Variants in ATAD1 observed in about 807,000 individuals in gnomAD.
ATAD1 encodes the protein ATPase family AAA domain containing 1, also known as outer mitochondrial transmembrane helix translocase.
Under a neutral mutation model 42.7 loss-of-function variants are expected in ATAD1, and 18 were observed. That is an observed-to-expected ratio of 0.42 (90% CI 0.29 to 0.63). The LOEUF (loss-of-function observed/expected upper bound fraction) is 0.63. ATAD1 is among the 20% of genes least tolerant of loss of function. The pLI is 0.19. For synonymous variants in ATAD1, 132 were observed against 143.1 expected, an observed-to-expected ratio of 0.92 and a Z score of 0.55; for missense variants, 294 against 440.4, an observed-to-expected ratio of 0.67 and a Z score of 2.98.
rs745586289 is a variant in ATAD1, at chr10:87,784,646, C to A, written c.407G>T (p.Gly136Val). ...PKGVLLYGPP[G>V]CGKTLIAKAT... ...CTTGGCAATCAACGTTTTACCACAG[C>A]CTGGAGGCCCATAGAGAAGAACACC... is the stretch of plus-strand genomic sequence containing the variant. The change falls in exon 5 of 10, where the codon GGC becomes GTC. Residue 136 changes from glycine (G) to valine (V), a missense_variant. Gly to Val is a moderately radical substitution (Grantham distance 109, BLOSUM62 -3). Coordinates refer to ENST00000680024, the MANE Select transcript of ATAD1 (RefSeq NM_001321967.2). The A allele has an allele frequency of 7.4e-6, 12 of 1,612,840 alleles. No homozygotes were observed. The highest frequency in any genetic ancestry group is 1.0e-5 in the Non-Finnish European group (12 of 1,179,784).
At chr10:87,820,096 AAAC>A (rs764228471), upstream of ATAD1, among the ~76,000 whole-genome samples, 10 of 152,104 alleles carry the variant, frequency 6.6e-5, no homozygotes, top group Non-Finnish European at 1.0e-4. Flanking sequence ...CATTAAAAAC[AAAC>A]AACAACAACA....
At chr10:87,768,797 T>C (rs1402230762) in intron 7 of ATAD1, among the ~76,000 whole-genome samples, 1 of 152,190 alleles carries the variant, frequency 6.6e-6, no homozygotes, top group Non-Finnish European at 1.5e-5. Flanking sequence ...TCAAAAACCA[T>C]AGCTGGCCAG....
chr10:87,802,230 A>C (rs1469637197), intron 2 of ATAD1, among the ~76,000 whole-genome samples: 1 of 152,162 alleles, frequency 6.6e-6, no homozygotes, highest in Non-Finnish European at 1.5e-5. Flanking sequence ...GCTTTCCTTT[A>C]AGGAATCAAA....
intron 1 of ATAD1, among the ~76,000 whole-genome samples, chr10:87,827,974 A>G (rs1232903637): frequency 1.7e-4 from 26 of 152,128 alleles, no homozygotes; most frequent in Admixed American, 1.6e-3. Flanking sequence ...TATTGGTTTT[A>G]AGAGACGGGG....
intron 6 of ATAD1, among the ~76,000 whole-genome samples, chr10:87,772,921 A>G (rs968598656): frequency 3.3e-5 from 5 of 152,280 alleles, no homozygotes; most frequent in African/African-American, 7.2e-5. Context: ...AACAAAATCA[A>G]TGCTCCTTTT....
At chr10:87,816,760 T>C (rs891335408) in intron 1 of ATAD1, among the ~76,000 whole-genome samples, 3 of 152,180 alleles carry the variant, frequency 2.0e-5, no homozygotes, top group African/African-American at 7.2e-5. Context: ...GAAAATGCAG[T>C]TGAAACGTGT....
At chr10:87,797,526 C>G (rs1312864382) in intron 2 of ATAD1, among the ~76,000 whole-genome samples, 1 of 152,106 alleles carries the variant, frequency 6.6e-6, no homozygotes, top group Non-Finnish European at 1.5e-5. Context: ...CCACTCACCC[C>G]TTTTAGAGTG....
At position 87,805,008 on chromosome 10, in the gene ATAD1, C is replaced by T. The variant is rs560048319; in HGVS notation, c.162+9430G>A. 9.2e-5 allele frequency among the ~76,000 whole-genome samples: 14 copies of T among 152,202 alleles called. No homozygotes were observed. The South Asian group carries it at 1.0e-3, about 11-fold the overall frequency. On this transcript the variant is annotated intron_variant, in intron 2 of 9. Transcript: ENST00000680024. ...AAATACATTGTTTAATCCAACATAA[C>T]GGTATACTTCCAGGATACTGTTTCT...
intron 8 of ATAD1, among the ~76,000 whole-genome samples, chr10:87,762,871 C>T (rs1439722550): frequency 1.4e-5 from 2 of 145,696 alleles, no homozygotes; most frequent in African/African-American, 5.0e-5. Flanking sequence ...GAGTCCGAGA[C>T]CAGCCTGATC....
At chr10:87,816,888 G>A (rs1253587908) in intron 1 of ATAD1, among the ~76,000 whole-genome samples, 1 of 152,070 alleles carries the variant, frequency 6.6e-6, no homozygotes, top group Admixed American at 6.5e-5. Flanking sequence ...TTTTAGAGTT[G>A]GTAGTGATAA....
rs1854037173 is a variant in ATAD1 at position 87,751,992 on chromosome 10, C to G, written c.*2695G>C. 1.3e-5 allele frequency: 2 copies of G among 152,138 alleles called. No homozygotes were observed. Among genetic ancestry groups the G allele is most frequent in the Admixed American group, 1.3e-4 (2 of 15,268 alleles). 9.4% of individuals were successfully genotyped at this position (152,138 alleles called of 1,614,324 possible). The stretch of plus-strand genomic sequence containing the variant: ...AAGCACACTCACGGCTTGAGACATC[C>G]TCATCTAGCATTAAACCTGTAAGTT... On this transcript the variant is annotated 3_prime_UTR_variant, in exon 10 of 10. Coordinates refer to ENST00000680024, the MANE Select transcript of ATAD1 (RefSeq NM_001321967.2).
chr10:87,762,407 G>C (rs372581045), intron 8 of ATAD1, among the ~76,000 whole-genome samples: 1 of 151,478 alleles, frequency 6.6e-6, no homozygotes, highest in African/African-American at 2.4e-5. Context: ...ACTTTTCACT[G>C]GTGTCTATCA....
At chr10:87,759,057 C>A (rs892012348) in intron 8 of ATAD1, among the ~76,000 whole-genome samples, 3 of 152,064 alleles carry the variant, frequency 2.0e-5, no homozygotes, top group African/African-American at 7.2e-5. Flanking sequence ...CCCCGTGACA[C>A]AGAAGCTTTA....
intron 5 of ATAD1, among the ~76,000 whole-genome samples, chr10:87,779,672 G>C (rs1231493351): frequency 1.3e-5 from 2 of 152,094 alleles, no homozygotes; most frequent in African/African-American, 2.4e-5. Context: ...CATTTGAACA[G>C]ACACCTCAAC....
rs546946283 is a variant in ATAD1, at chr10:87,809,321, G to A, written c.162+5117C>T. Reference sequence around the variant, plus strand: ...ACAGAAACAGTTAATAACATAGTTTGTATACTGTATTCTTGCAATAAAGTA... The same window carrying A: ...ACAGAAACAGTTAATAACATAGTTTATATACTGTATTCTTGCAATAAAGTA... On this transcript the variant is annotated intron_variant, in intron 2 of 9. Transcript: ENST00000680024. 2.0e-5 allele frequency among the ~76,000 whole-genome samples: 3 copies of A among 152,170 alleles called. No individual in the cohort carries two copies. The South Asian group carries it at 6.2e-4, about 32-fold the overall frequency.
At chr10:87,795,614 T>C (rs936981778) in intron 2 of ATAD1, among the ~76,000 whole-genome samples, 2 of 152,106 alleles carry the variant, frequency 1.3e-5, no homozygotes, top group African/African-American at 4.8e-5. Flanking sequence ...TTCCAAATGA[T>C]TTTCTACCCT....
At chr10:87,756,242 A>T (rs1034822774) in intron 9 of ATAD1, among the ~76,000 whole-genome samples, 4 of 152,218 alleles carry the variant, frequency 2.6e-5, no homozygotes, top group African/African-American at 9.6e-5. Flanking sequence ...TGATATTCTG[A>T]AAAGAAATGC....
chr10:87,757,030 A>G (rs375677767), intron 8 of ATAD1, 108 bp from the exon 9 acceptor site: 1 of 862,028 alleles, frequency 1.2e-6, no homozygotes. Flanking sequence ...ACTGCATGGG[A>G]GGAGAAACAA....
chr10:87,785,539 T>C (rs952403918), intron 4 of ATAD1, among the ~76,000 whole-genome samples: 1 of 151,008 alleles, frequency 6.6e-6, no homozygotes, highest in African/African-American at 2.4e-5. Flanking sequence ...TCTCAAAATA[T>C]TTGTTTAATT....
Sources: gnomAD v4.1 joint callset for allele counts (sites outside exome capture counted in the v4.1 genomes callset) on GRCh38, gnomAD v4.1.1 for gene constraint, MANE v1.5 for transcripts, NCBI Gene and HGNC (gene_info 2026-07-23, HGNC 2026-07-21) for gene names.